Variants in NKAIN2 observed in about 807,000 individuals in gnomAD.
The protein encoded by NKAIN2 is sodium/potassium-transporting ATPase subunit beta-1-interacting protein 2.
Under a neutral mutation model 32.6 loss-of-function variants are expected in NKAIN2, and 14 were observed. The observed-to-expected ratio is 0.43, with a 90% CI of 0.28 to 0.67. The LOEUF (loss-of-function observed/expected upper bound fraction) is 0.67, where lower values mean the gene tolerates loss of function less well. Ranked by LOEUF, NKAIN2 falls within the 30% of genes least tolerant of loss-of-function variation. The probability of loss-of-function intolerance (pLI) is 0.17; values close to 1 mark genes in which losing one functional copy is unlikely to be tolerated. For synonymous variants in NKAIN2, 80 were observed against 87.2 expected (o/e 0.92, Z 0.46); for missense variants, 198 against 258.3 (o/e 0.77, Z 1.60).
At chr6:123,829,749 A>T (rs750550910) in intron 1 of NKAIN2, among the ~76,000 whole-genome samples, 6 of 152,196 alleles carry the variant, frequency 3.9e-5, no homozygotes, top group Non-Finnish European at 7.3e-5. Flanking sequence ...TCAAGCACTA[A>T]TCCTTGGCTG....
intron 1 of NKAIN2, among the ~76,000 whole-genome samples, chr6:124,131,678 G>T (rs1292835549): frequency 6.6e-6 from 1 of 152,100 alleles, no homozygotes. Context: ...GGAGCTGTGT[G>T]AAATATAAAA....
intron 3 of NKAIN2, among the ~76,000 whole-genome samples, chr6:124,633,263 G>C (rs936382032): frequency 3.3e-5 from 5 of 152,056 alleles, no homozygotes; most frequent in Non-Finnish European, 2.9e-5. Flanking sequence ...TGTTAAATAA[G>C]AATAATAATC....
chr6:124,294,175 A>G (rs1272987870), intron 2 of NKAIN2, among the ~76,000 whole-genome samples: 1 of 152,122 alleles, frequency 6.6e-6, no homozygotes, highest in Non-Finnish European at 1.5e-5. Flanking sequence ...ATGGCGGAGA[A>G]GTAGAAGGGG....
intron 1 of NKAIN2, among the ~76,000 whole-genome samples, chr6:123,846,842 G>A (rs894733435): frequency 6.0e-5 from 4 of 66,752 alleles, no homozygotes; most frequent in Admixed American, 2.2e-4. Context: ...ACACGCACGC[G>A]CGCACACACA....
intron 1 of NKAIN2, among the ~76,000 whole-genome samples, chr6:124,280,128 C>T (rs73565639): frequency 0.028 from 4,301 of 152,138 alleles, 106 homozygotes; most frequent in East Asian, 0.087. Flanking sequence ...AGGCCAAATA[C>T]ATACATTTCT....
At chr6:124,702,844 G>A (rs981242359) in intron 4 of NKAIN2, among the ~76,000 whole-genome samples, 3 of 151,980 alleles carry the variant, frequency 2.0e-5, no homozygotes, top group Admixed American at 1.3e-4. Context: ...AAACTACAGC[G>A]ACATTATTTC....
chr6:124,820,461 A>G (rs1485714333), intron 6 of NKAIN2, among the ~76,000 whole-genome samples: 2 of 152,244 alleles, frequency 1.3e-5, no homozygotes, highest in Non-Finnish European at 2.9e-5. Flanking sequence ...GAAACGTAGG[A>G]TATGTCACAT....
intron 4 of NKAIN2, among the ~76,000 whole-genome samples, chr6:124,712,735 C>T (rs1775563226): frequency 6.6e-6 from 1 of 151,814 alleles, no homozygotes; most frequent in Non-Finnish European, 1.5e-5. Flanking sequence ...CCTGGTACCT[C>T]AGATGGAAAT....
intron 1 of NKAIN2, among the ~76,000 whole-genome samples, chr6:124,188,191 A>C (rs1165222670): frequency 6.6e-6 from 1 of 152,194 alleles, no homozygotes; most frequent in Non-Finnish European, 1.5e-5. Context: ...CAATAGCATC[A>C]TATCATGATT....
At chr6:124,707,154 T>C (rs537549305) in intron 4 of NKAIN2, among the ~76,000 whole-genome samples, 50 of 152,176 alleles carry the variant, frequency 3.3e-4, no homozygotes, top group Admixed American at 2.9e-3. Flanking sequence ...TCCATGTCCC[T>C]ACAAAGGACA....
chr6:124,154,214 C>A (rs534190898), intron 1 of NKAIN2, among the ~76,000 whole-genome samples: 1 of 151,612 alleles, frequency 6.6e-6, no homozygotes, highest in South Asian at 2.1e-4. Context: ...GTAAGTTATA[C>A]GAAGTATAAA....
intron 3 of NKAIN2, among the ~76,000 whole-genome samples, chr6:124,487,610 T>C (rs1013172216): frequency 1.3e-5 from 2 of 152,286 alleles, no homozygotes; most frequent in African/African-American, 4.8e-5. Context: ...TGTTAGTAAC[T>C]TTTTATAAAA....
chr6:124,734,867 A>G (rs936711830), intron 4 of NKAIN2, among the ~76,000 whole-genome samples: 1 of 151,916 alleles, frequency 6.6e-6, no homozygotes, highest in African/African-American at 2.4e-5. Context: ...TACATATAGC[A>G]TGTGCTTAAT....
intron 3 of NKAIN2, among the ~76,000 whole-genome samples, chr6:124,609,822 G>A (rs368880995): frequency 1.3e-5 from 2 of 152,048 alleles, no homozygotes; most frequent in Non-Finnish European, 2.9e-5. Flanking sequence ...GAGCTACGAC[G>A]CCGGGGCCAG....
chr6:124,639,944 T>C (rs1046949528), intron 3 of NKAIN2, among the ~76,000 whole-genome samples: 15 of 152,114 alleles, frequency 9.9e-5, no homozygotes, highest in African/African-American at 3.6e-4. Flanking sequence ...TTAACAATCA[T>C]TTATTGTATA....
At chr6:123,850,512 G>A (rs886242560) in intron 1 of NKAIN2, among the ~76,000 whole-genome samples, 2 of 151,988 alleles carry the variant, frequency 1.3e-5, no homozygotes, top group African/African-American at 4.8e-5. Flanking sequence ...ATGTTCTTGT[G>A]GGAACAATTT....
intron 1 of NKAIN2, among the ~76,000 whole-genome samples, chr6:124,108,289 A>G (rs1785211630): frequency 6.6e-6 from 1 of 152,106 alleles, no homozygotes; most frequent in African/African-American, 2.4e-5. Context: ...GCATCTTTTC[A>G]TATACACGGT....
chr6:124,803,538 A>G (rs1780361351), intron 5 of NKAIN2, among the ~76,000 whole-genome samples: 1 of 152,218 alleles, frequency 6.6e-6, no homozygotes, highest in African/African-American at 2.4e-5. Flanking sequence ...GAAATATGGA[A>G]ATTCAGTTCT....
intron 4 of NKAIN2, among the ~76,000 whole-genome samples, chr6:124,661,673 G>T (rs1412297584): frequency 6.6e-6 from 1 of 152,130 alleles, no homozygotes; most frequent in East Asian, 1.9e-4. Flanking sequence ...GATGAGCCAG[G>T]TGTGATATTT....
Sources: allele counts gnomAD v4.1 joint callset (sites outside exome capture counted in the v4.1 genomes callset), GRCh38; gene constraint gnomAD v4.1.1; transcripts MANE v1.5; gene names NCBI Gene and HGNC (gene_info 2026-07-23, HGNC 2026-07-21).